Variants in CAST observed in about 807,000 individuals in gnomAD.
The protein encoded by CAST is calpastatin, also known as MIR583 host.
A neutral mutation model predicts 119.6 loss-of-function variants in CAST; 76 were observed. That is an observed-to-expected ratio of 0.64 (90% CI 0.53 to 0.77). The LOEUF (loss-of-function observed/expected upper bound fraction) is 0.77. Ranked by LOEUF, CAST falls within the 30% of genes least tolerant of loss-of-function variation. CAST has a pLI of 0.00. For synonymous variants in CAST, 319 were observed against 331.6 expected (o/e 0.96, Z 0.41); for missense variants, 953 against 946.5 (o/e 1.01, Z -0.09).
At chr5:96,102,562 A>T in the CAST span, among the ~76,000 whole-genome samples, 1 of 152,168 alleles carries the variant, frequency 6.6e-6, no homozygotes, top group Non-Finnish European at 1.5e-5. Context: ...CGTGGGTTTC[A>T]GGAATTTTGG....
the CAST span, among the ~76,000 whole-genome samples, chr5:96,262,260 C>T: frequency 6.6e-6 from 1 of 152,124 alleles, no homozygotes; most frequent in South Asian, 2.1e-4. Flanking sequence ...GCACACGTAG[C>T]AGATGGGAGT....
chr5:96,439,904 A>G, the CAST span, among the ~76,000 whole-genome samples: 1 of 152,208 alleles, frequency 6.6e-6, no homozygotes, highest in Non-Finnish European at 1.5e-5. Flanking sequence ...AGAGGGACCA[A>G]TCCTGATCCC....
intron 1 of CAST, among the ~76,000 whole-genome samples, chr5:96,548,414 TG>T (rs1415704988): frequency 6.6e-6 from 1 of 152,160 alleles, no homozygotes; most frequent in Non-Finnish European, 1.5e-5. Context: ...ATTGCCCATC[TG>T]TTTTGTTCTT....
chr5:96,114,741 T>G, the CAST span, among the ~76,000 whole-genome samples: 2 of 152,246 alleles, frequency 1.3e-5, no homozygotes, highest in African/African-American at 4.8e-5. Context: ...TGGAGTTGCC[T>G]GTCTAAGATA....
the CAST span, among the ~76,000 whole-genome samples, chr5:95,992,675 ATTTAG>A: frequency 1.3e-5 from 2 of 152,126 alleles, no homozygotes; most frequent in South Asian, 4.1e-4. Flanking sequence ...CAAATAAAGT[ATTTAG>A]TTTAGTTAAT....
the CAST span, among the ~76,000 whole-genome samples, chr5:96,160,358 T>C: frequency 2.0e-5 from 3 of 152,212 alleles, no homozygotes; most frequent in East Asian, 5.8e-4. Flanking sequence ...ACCAGACTCA[T>C]ACAACATGTA....
At chr5:96,288,315 A>G in the CAST span, among the ~76,000 whole-genome samples, 2 of 152,224 alleles carry the variant, frequency 1.3e-5, no homozygotes, top group Non-Finnish European at 2.9e-5. Flanking sequence ...TAATAGTTGC[A>G]TAATTATTTT....
chr5:96,080,103 G>T, the CAST span, among the ~76,000 whole-genome samples: 1 of 152,050 alleles, frequency 6.6e-6, no homozygotes, highest in African/African-American at 2.4e-5. Context: ...ACTGGCCTAC[G>T]ACTTATTAGC....
chr5:96,632,050 G>A (rs1185693833), intron 1 of CAST, among the ~76,000 whole-genome samples: 1 of 115,584 alleles, frequency 8.7e-6, no homozygotes, highest in Admixed American at 7.9e-5. Flanking sequence ...TATTATTATA[G>A]CTATCCTAGT....
the CAST span, chr5:96,425,862 T>C: frequency 1.1e-5 from 18 of 1,611,698 alleles, no homozygotes; most frequent in Admixed American, 2.3e-4. Context: ...TGAAGAGATT[T>C]AGTGCTGAGT....
the CAST span, among the ~76,000 whole-genome samples, chr5:96,422,493 G>A: frequency 1.3e-5 from 2 of 152,042 alleles, no homozygotes; most frequent in African/African-American, 4.8e-5. Context: ...AAGCTTCCAG[G>A]CTCCACTCCC....
At chr5:96,333,202 C>G in the CAST span, among the ~76,000 whole-genome samples, 2 of 151,990 alleles carry the variant, frequency 1.3e-5, no homozygotes, top group African/African-American at 2.4e-5. Flanking sequence ...TCCTCTGGCT[C>G]TGTCTGCACT....
the CAST span, among the ~76,000 whole-genome samples, chr5:96,175,319 C>T: frequency 1.3e-5 from 2 of 152,122 alleles, no homozygotes; most frequent in Non-Finnish European, 2.9e-5. Flanking sequence ...AAGTACCCTA[C>T]TGGCCAAGAT....
chr5:96,752,992 T>A (rs149402775), intron 20 of CAST, among the ~76,000 whole-genome samples: 4 of 113,478 alleles, frequency 3.5e-5, no homozygotes, highest in South Asian at 2.8e-4. Flanking sequence ...ACACACACAC[T>A]CTTACATTTT....
At chr5:96,524,544 G>A (rs775948559), upstream of CAST, among the ~76,000 whole-genome samples, 12 of 152,152 alleles carry the variant, frequency 7.9e-5, no homozygotes, top group African/African-American at 2.9e-4. Context: ...ATATGGGGAC[G>A]GCCATGTGTT....
chr5:96,001,616 TG>T, the CAST span, among the ~76,000 whole-genome samples: 1 of 152,236 alleles, frequency 6.6e-6, no homozygotes, highest in Admixed American at 6.5e-5. Context: ...TTCTCTTTAT[TG>T]TATTCAAAAT....
At chr5:96,332,073 G>A in the CAST span, among the ~76,000 whole-genome samples, 4 of 152,316 alleles carry the variant, frequency 2.6e-5, no homozygotes, top group African/African-American at 4.8e-5. Context: ...TGGGATAAAG[G>A]AGGCCTCAGA....
At chr5:96,343,115 T>G in the CAST span, among the ~76,000 whole-genome samples, 1 of 152,190 alleles carries the variant, frequency 6.6e-6, no homozygotes, top group Non-Finnish European at 1.5e-5. Context: ...ACATGTACAA[T>G]GCACTCATAC....
the CAST span, among the ~76,000 whole-genome samples, chr5:96,201,853 C>T: frequency 6.6e-6 from 1 of 152,132 alleles, no homozygotes; most frequent in African/African-American, 2.4e-5. Context: ...GGCCCCATCT[C>T]CTACGGTAGG....
Sources: allele counts gnomAD v4.1 joint callset (sites outside exome capture counted in the v4.1 genomes callset), GRCh38; gene constraint gnomAD v4.1.1; transcripts MANE v1.5; gene names NCBI Gene and HGNC (gene_info 2026-07-23, HGNC 2026-07-21).